Variants in MADD observed in about 807,000 individuals in gnomAD.
The protein encoded by MADD is MAP kinase-activating death domain protein.
MADD carries 109 observed loss-of-function variants against 176.7 expected under a neutral mutation model. The ratio of observed to expected loss-of-function variants is 0.62; its 90% CI spans 0.53 to 0.72. MADD has a LOEUF of 0.72. Ranked by LOEUF, MADD falls within the 30% of genes least tolerant of loss-of-function variation. The pLI, the probability that MADD is intolerant of heterozygous loss-of-function variation, is 0.00. For missense variants in MADD, 1,914 were observed against 2,045.5 expected (o/e 0.94, Z 1.24); for synonymous variants, 771 against 771.3 (o/e 1.00, Z 0.01).
intron 5 of MADD, among the ~76,000 whole-genome samples, chr11:47,277,509 C>T (rs1262764096): frequency 6.6e-6 from 1 of 152,114 alleles, no homozygotes; most frequent in Non-Finnish European, 1.5e-5. Flanking sequence ...GTTGGCTGGG[C>T]TGGTCTTGAA....
intron 26 of MADD, among the ~76,000 whole-genome samples, chr11:47,312,385 A>T (rs2090142286): frequency 6.6e-6 from 1 of 151,958 alleles, no homozygotes; most frequent in Non-Finnish European, 1.5e-5. Flanking sequence ...AGTAGCTGGG[A>T]TTACAGGCAT....
exon 3 of MADD, chr11:47,275,147 G>A (rs371991938): frequency 3.7e-6 from 6 of 1,612,850 alleles, no homozygotes; most frequent in South Asian, 2.2e-5. Flanking sequence ...GGCATCCCTC[G>A]AGGCGTACAA....
At chr11:47,294,120 C>T (rs532416472) in intron 20 of MADD, 137 bp downstream of exon 22, 91 of 662,374 alleles carry the variant, frequency 1.4e-4, no homozygotes, top group African/African-American at 1.1e-3. Context: ...GAGGCCGAGG[C>T]GGGTGGGTCA....
At chr11:47,328,282 C>CCAGCCAAAACCTT in intron 31 of MADD, 1 of 1,149,198 alleles carries the variant, frequency 8.7e-7, no homozygotes, top group Non-Finnish European at 1.1e-6. Context: ...CTCTCTCCTC[C>CCAGCCAAAACCTT]CAGCCAAAAC....
At chr11:47,273,757 G>T (rs2047178634) in intron 1 of MADD, 70 bp from the exon 2 acceptor site, 1 of 603,402 alleles carries the variant, frequency 1.7e-6, no homozygotes. Context: ...CCTCTGGCCG[G>T]GAAGAAGTTG....
intron 27 of MADD, among the ~76,000 whole-genome samples, chr11:47,319,410 G>A (rs1275427036): frequency 1.3e-5 from 2 of 152,108 alleles, no homozygotes; most frequent in Non-Finnish European, 2.9e-5. Flanking sequence ...TAGGATTACA[G>A]GTGTGAGCCA....
At chr11:47,292,620 G>GT (rs756880255) in intron 19 of MADD, 24 bp downstream of exon 21, 3 of 1,613,416 alleles carry the variant, frequency 1.9e-6, no homozygotes, top group Non-Finnish European at 2.5e-6. Context: ...GCCCTTTCCT[G>GT]TTCCCAAGTC....
At chr11:47,328,363 T>C in intron 31 of MADD, 1 of 1,331,264 alleles carries the variant, frequency 7.5e-7, no homozygotes, top group Non-Finnish European at 9.6e-7. Context: ...GAAAGGCCCG[T>C]CCCTCCCATC....
chr11:47,296,241 C>T (rs563865856), intron 22 of MADD, among the ~76,000 whole-genome samples, 186 bp downstream of exon 24: 1 of 152,310 alleles, frequency 6.6e-6, no homozygotes, highest in African/African-American at 2.4e-5. Context: ...GACTCACAAT[C>T]TGGGGCTTTT....
intron 22 of MADD, 130 bp from the exon 25 acceptor site, chr11:47,308,461 G>A: frequency 1.7e-6 from 1 of 598,834 alleles, no homozygotes; most frequent in South Asian, 2.1e-5. Context: ...ACTTGCAGAA[G>A]CAGGGGTACT....
chr11:47,290,728 G>C (rs2064426358), exon 19 of MADD: 1 of 1,614,014 alleles, frequency 6.2e-7, no homozygotes, highest in East Asian at 2.2e-5. Flanking sequence ...TTCCACAACT[G>C]GGACCTCGGG....
In MADD at chr11:47,285,346, A is replaced by G. The variant is rs2059860295; in HGVS notation, c.2412-105A>G. On this transcript the variant is annotated intron_variant, in intron 13 of 32. Transcript: ENST00000402192. ...TGGTGTTCTGATCCAGGGGCTTAGG[A>G]ATTACGGGAAGGGAGTGGCAACTGT... The G allele has an allele frequency of 1.9e-6, 3 of 1,560,578 alleles. No homozygotes were observed. The South Asian group carries it at 3.5e-5, about 18-fold the overall frequency.
At chr11:47,287,607 AC>A (rs2061631179) in intron 15 of MADD, among the ~76,000 whole-genome samples, 1 of 151,870 alleles carries the variant, frequency 6.6e-6, no homozygotes, top group South Asian at 2.1e-4. Flanking sequence ...ACGGGGTTTC[AC>A]CATGTTGGCC....
intron 26 of MADD, among the ~76,000 whole-genome samples, chr11:47,314,319 C>T (rs935577933): frequency 6.6e-6 from 1 of 152,092 alleles, no homozygotes; most frequent in African/African-American, 2.4e-5. Context: ...AAACGGTACT[C>T]CTGACTTGGC....
chr11:47,274,511 G>C (rs2048040712), intron 2 of MADD, 52 bp from the exon 3 acceptor site: 2 of 1,407,512 alleles, frequency 1.4e-6, no homozygotes, highest in Non-Finnish European at 9.9e-7. Flanking sequence ...GTTAAAATTT[G>C]ATAGCCCATT....
chr11:47,276,716 G>T lies in MADD; in HGVS notation c.964-16G>T. 1 of 1,613,380 alleles carries T rather than the reference G, an allele frequency of 6.2e-7. No homozygotes were observed. Among genetic ancestry groups the T allele is most frequent in the Non-Finnish European group, 8.5e-7 (1 of 1,179,610 alleles). On this transcript the variant is annotated splice_polypyrimidine_tract_variant and intron_variant, in intron 4 of 32. Coordinates refer to ENST00000402192, the Ensembl canonical transcript of MADD. ...TTTATGTTTTGGAGTGATTCTTACT[G>T]GATGGCTCATGACAGGTGGTGCTAC...
intron 22 of MADD, among the ~76,000 whole-genome samples, chr11:47,300,163 A>G (rs928556293): frequency 5.4e-5 from 8 of 149,172 alleles, no homozygotes; most frequent in Non-Finnish European, 1.2e-4. Flanking sequence ...AGAATTCTGC[A>G]TTGAAGCTAT....
chr11:47,324,344 A>G lies in MADD; in HGVS notation c.4435+7A>G, dbSNP rs1429095598. ...CAGCAAAGCATCAAACCCGGTGAGG[A>G]GAGTTTTTCCTGAGAGTGTCTTCCC... On this transcript the variant is annotated splice_region_variant and intron_variant, in intron 29 of 32. Coordinates refer to ENST00000402192, the Ensembl canonical transcript of MADD. The G allele has an allele frequency of 1.9e-6, 3 of 1,614,114 alleles. No individual in the cohort carries two copies. The highest frequency in any genetic ancestry group is 3.3e-5 in the Admixed American group (2 of 60,028).
At chr11:47,278,017 A>G (rs2052156872) in intron 5 of MADD, 148 bp from the exon 6 acceptor site, 2 of 640,042 alleles carry the variant, frequency 3.1e-6, no homozygotes, top group African/African-American at 1.8e-5. Flanking sequence ...AAAAAATCTG[A>G]AAAATTCTGA....
Sources: gnomAD v4.1 joint callset for allele counts (sites outside exome capture counted in the v4.1 genomes callset) on GRCh38, gnomAD v4.1.1 for gene constraint, MANE v1.5 for transcripts, NCBI Gene and HGNC (gene_info 2026-07-23, HGNC 2026-07-21) for gene names.